The following SND1 variants were observed in gnomAD, a reference collection of about 807,000 sequenced individuals.
The protein encoded by SND1 is staphylococcal nuclease domain-containing protein 1.
Under a neutral mutation model 121.7 loss-of-function variants are expected in SND1, and 38 were observed. The observed-to-expected ratio is 0.31, with a 90% confidence interval of 0.24 to 0.41. SND1 has a LOEUF of 0.41. Among genes scored for constraint, SND1 ranks in the 10% least tolerant of loss-of-function variants. The pLI is 1.00. For synonymous variants in SND1, 401 were observed against 447.4 expected, an observed-to-expected ratio of 0.90 and a Z score of 1.31; for missense variants, 868 against 1,184.6, an observed-to-expected ratio of 0.73 and a Z score of 3.92.
At chr7:128,014,564 T>C (rs1429053097) in intron 16 of SND1, among the ~76,000 whole-genome samples, 1 of 152,158 alleles carries the variant, frequency 6.6e-6, no homozygotes, top group East Asian at 1.9e-4. Context: ...AGCACTTGTG[T>C]CGTCCTCCTT....
chr7:127,756,419 C>T (rs1797196102), intron 10 of SND1, among the ~76,000 whole-genome samples: 2 of 152,196 alleles, frequency 1.3e-5, no homozygotes, highest in South Asian at 4.1e-4. Context: ...GAGCCAAGCT[C>T]TGTAAGTGTG....
chr7:128,046,855 C>T (rs1792958243), intron 16 of SND1, among the ~76,000 whole-genome samples: 2 of 152,092 alleles, frequency 1.3e-5, no homozygotes, highest in South Asian at 4.1e-4. Context: ...CTATTCATCA[C>T]CAATAGAAAT....
At chr7:127,935,876 T>C (rs1801051219) in intron 15 of SND1, among the ~76,000 whole-genome samples, 1 of 152,168 alleles carries the variant, frequency 6.6e-6, no homozygotes, top group Non-Finnish European at 1.5e-5. Context: ...TATGTGCTGC[T>C]CTCATTAATC....
chr7:127,973,079 C>T (rs1286439846), intron 15 of SND1, among the ~76,000 whole-genome samples: 1 of 152,144 alleles, frequency 6.6e-6, no homozygotes, highest in Non-Finnish European at 1.5e-5. Context: ...TGCAGCCTGC[C>T]TAGGCCGCAG....
intron 11 of SND1, among the ~76,000 whole-genome samples, chr7:127,811,147 T>A (rs1798328748): frequency 6.6e-6 from 1 of 152,242 alleles, no homozygotes; most frequent in African/African-American, 2.4e-5. Flanking sequence ...GTGGCTTTCA[T>A]GCCATTGAAA....
intron 1 of SND1, among the ~76,000 whole-genome samples, chr7:127,671,397 G>C (rs960732616): frequency 6.6e-6 from 1 of 152,186 alleles, no homozygotes; most frequent in African/African-American, 2.4e-5. Context: ...CAAACACTGT[G>C]AATCTATTGA....
intron 8 of SND1, 116 bp downstream of exon 8, chr7:127,705,061 G>A (rs1796165310): frequency 4.9e-6 from 4 of 815,006 alleles, no homozygotes; most frequent in Non-Finnish European, 8.3e-6. Flanking sequence ...CTTCAGTAAA[G>A]GAGTAGGGCA....
intron 13 of SND1, among the ~76,000 whole-genome samples, chr7:127,899,560 G>A (rs1187094668): frequency 6.6e-6 from 1 of 152,194 alleles, no homozygotes; most frequent in Non-Finnish European, 1.5e-5. Context: ...ATGTGGATAT[G>A]TAAACTGGGG....
intron 1 of SND1, among the ~76,000 whole-genome samples, chr7:127,654,558 T>C (rs944046194): frequency 6.6e-6 from 1 of 152,236 alleles, no homozygotes; most frequent in Non-Finnish European, 1.5e-5. Flanking sequence ...TGAAGCTGTC[T>C]ATAATTGAGA....
intron 10 of SND1, among the ~76,000 whole-genome samples, chr7:127,794,783 C>T (rs1797984732): frequency 6.6e-6 from 1 of 152,128 alleles, no homozygotes; most frequent in Non-Finnish European, 1.5e-5. Flanking sequence ...CATTTTTAGC[C>T]GGGGTATGAA....
intron 11 of SND1, among the ~76,000 whole-genome samples, chr7:127,814,456 T>C (rs1192905483): frequency 6.6e-6 from 1 of 152,150 alleles, no homozygotes; most frequent in African/African-American, 2.4e-5. Context: ...CTGTGCAGAA[T>C]ATCTTATGTT....
intron 2 of SND1, among the ~76,000 whole-genome samples, chr7:127,694,012 G>C (rs899120483): frequency 6.6e-6 from 1 of 152,160 alleles, no homozygotes; most frequent in Non-Finnish European, 1.5e-5. Context: ...TGGATGTGTA[G>C]CTCAGTCCTC....
chr7:127,888,298 A>G (rs1383666727), intron 13 of SND1, among the ~76,000 whole-genome samples: 4 of 152,092 alleles, frequency 2.6e-5, no homozygotes, highest in Admixed American at 1.3e-4. Context: ...TGAGTGCTCT[A>G]TAGGAGATAT....
At chr7:127,901,867 T>G (rs1455065949) in intron 13 of SND1, among the ~76,000 whole-genome samples, 5 of 152,216 alleles carry the variant, frequency 3.3e-5, no homozygotes, top group African/African-American at 4.8e-5. Flanking sequence ...AATAAGTATC[T>G]GATAATATGC....
intron 10 of SND1, among the ~76,000 whole-genome samples, chr7:127,754,148 A>C (rs551417391): frequency 6.6e-6 from 1 of 152,308 alleles, no homozygotes; most frequent in South Asian, 2.1e-4. Context: ...AGTATCTTCT[A>C]TTTGGAGAAT....
intron 12 of SND1, among the ~76,000 whole-genome samples, chr7:127,878,196 A>G (rs1799725447): frequency 6.6e-6 from 1 of 152,144 alleles, no homozygotes; most frequent in South Asian, 2.1e-4. Flanking sequence ...ATGCACAGTC[A>G]TTGTTCCCAC....
At chr7:127,671,763 C>T (rs925668903) in intron 1 of SND1, among the ~76,000 whole-genome samples, 2 of 152,172 alleles carry the variant, frequency 1.3e-5, no homozygotes. Context: ...CACTATAACT[C>T]ATGACTGAAT....
chr7:127,785,283 A>G (rs1034640604), intron 10 of SND1, among the ~76,000 whole-genome samples: 1 of 152,216 alleles, frequency 6.6e-6, no homozygotes, highest in East Asian at 1.9e-4. Context: ...GATGAACAGC[A>G]TAGAGAAACA....
At chr7:127,996,354 T>C (rs1360722806) in intron 16 of SND1, among the ~76,000 whole-genome samples, 1 of 152,200 alleles carries the variant, frequency 6.6e-6, no homozygotes, top group African/African-American at 2.4e-5. Flanking sequence ...GTGTCTGAAA[T>C]AGATAAACTG....
Sources: allele counts gnomAD v4.1 joint callset (sites outside exome capture counted in the v4.1 genomes callset), GRCh38; gene constraint gnomAD v4.1.1; transcripts MANE v1.5; gene names NCBI Gene and HGNC (gene_info 2026-07-23, HGNC 2026-07-21).